The following C4orf17 variants were observed in gnomAD, a reference collection of about 807,000 sequenced individuals.
The protein encoded by C4orf17 is chromosome 4 open reading frame 17.
In C4orf17, 25 loss-of-function variants were observed where a neutral mutation model predicts 32.0. That is an observed-to-expected ratio of 0.78 (90% CI 0.57 to 1.09). The LOEUF (loss-of-function observed/expected upper bound fraction) is 1.09, where lower values mean the gene tolerates loss of function less well. C4orf17 is among the 50% of genes least tolerant of loss of function. The pLI is 0.00. For synonymous variants in C4orf17, 149 were observed against 145.8 expected (o/e 1.02, Z -0.16); for missense variants, 420 against 420.0 (o/e 1.00, Z 0.00).
chr4:99,513,353 G>A, intron 2 of C4orf17, 145 bp downstream of exon 2: 1 of 1,007,124 alleles, frequency 9.9e-7, no homozygotes, highest in Non-Finnish European at 1.5e-6. Context: ...CTAGATGCCA[G>A]CACTGTAGTG....
chr4:99,527,424 CTGT>C (rs1723408071), intron 4 of C4orf17, among the ~76,000 whole-genome samples: 1 of 152,160 alleles, frequency 6.6e-6, no homozygotes, highest in Non-Finnish European at 1.5e-5. Flanking sequence ...TTAGGTGATA[CTGT>C]TGTTCAAGTC....
At chr4:99,540,122 A>G (rs1723631061) in intron 7 of C4orf17, among the ~76,000 whole-genome samples, 1 of 152,142 alleles carries the variant, frequency 6.6e-6, no homozygotes, top group Admixed American at 6.5e-5. Context: ...AAATTGTATT[A>G]CTAACTGTCC....
chr4:99,530,921 A>G (rs1723467864), intron 5 of C4orf17, among the ~76,000 whole-genome samples: 1 of 152,114 alleles, frequency 6.6e-6, no homozygotes, highest in Non-Finnish European at 1.5e-5. Flanking sequence ...TTCACCTGCT[A>G]CACTCTGGCC....
chr4:99,533,496 A>C (rs558808285), intron 5 of C4orf17, among the ~76,000 whole-genome samples: 21 of 152,328 alleles, frequency 1.4e-4, no homozygotes, highest in African/African-American at 4.8e-4. Context: ...CACATGCCTA[A>C]TCATGGCACA....
chr4:99,514,230 G>A (rs555515319), intron 2 of C4orf17, among the ~76,000 whole-genome samples: 180 of 152,094 alleles, frequency 1.2e-3, no homozygotes, highest in African/African-American at 3.9e-3. Flanking sequence ...AAAAGCAAAT[G>A]CAACAAAAAC....
In C4orf17 at chr4:99,530,384, TTCTC is replaced by T. The variant is rs376118936; in HGVS notation, c.546+428_546+431del. On this transcript the variant is annotated intron_variant, in intron 5 of 8. Coordinates refer to ENST00000326581, the MANE Select transcript of C4orf17 (RefSeq NM_032149.3). ...CCTTGCAAAACTATGTCTTCAAACT[TTCTC>T]TGTCTGGGGTTATAAACTTAGTTAT... Among the ~76,000 whole-genome samples the T allele has an allele frequency of 2.9e-3, 441 of 152,256 alleles. 1 individual carries two copies. The highest frequency in any genetic ancestry group is 4.9e-3 in the Non-Finnish European group (331 of 67,972).
intron 1 of C4orf17, 114 bp from the exon 2 acceptor site, chr4:99,512,875 A>G (rs1723117129): frequency 1.1e-5 from 6 of 539,720 alleles, no homozygotes; most frequent in Non-Finnish European, 1.9e-5. Flanking sequence ...ATAGCCTCAC[A>G]TTGCTGTAAC....
chr4:99,537,711 G>T lies in C4orf17; in HGVS notation c.589G>T (p.Ala197Ser). Residue 197 changes from alanine (A) to serine (S), a missense_variant, in exon 6 of 9, where the codon GCA (alanine) becomes TCA (serine). Ala to Ser is a moderately conservative substitution (Grantham distance 99). Coordinates refer to ENST00000326581, the MANE Select transcript of C4orf17 (RefSeq NM_032149.3). Reference sequence around the variant, plus strand: ...TAGCATTTTGCATACTGATTCTCTGGCAGAAGTTTTACAGTGGCTGCTTCA... The same window carrying T: ...TAGCATTTTGCATACTGATTCTCTGTCAGAAGTTTTACAGTGGCTGCTTCA... ...LCSILHTDSL[A>S]EVLQWLLHAT... The T allele has an allele frequency of 1.2e-6, 2 of 1,612,790 alleles. No homozygotes were observed.
chr4:99,527,153 C>T (rs367872712), intron 4 of C4orf17, among the ~76,000 whole-genome samples: 115 of 152,006 alleles, frequency 7.6e-4, no homozygotes, highest in African/African-American at 2.3e-3. Flanking sequence ...CTTCTTTCAC[C>T]CATGGGTTAC....
At chr4:99,530,776 ATAAT>A (rs766188484) in intron 5 of C4orf17, among the ~76,000 whole-genome samples, 129 of 152,166 alleles carry the variant, frequency 8.5e-4, no homozygotes, top group Non-Finnish European at 1.5e-3. Flanking sequence ...ATTTATGCTG[ATAAT>A]TAAACTTGAG....
In C4orf17 at chr4:99,524,504, C is replaced by T; in HGVS notation, c.338-17C>T. 6.7e-7 allele frequency: 1 copy of T among 1,501,880 alleles called. No individual in the cohort carries two copies. Among genetic ancestry groups the T allele is most frequent in the South Asian group, 1.2e-5 (1 of 86,150 alleles). 93.0% of individuals were successfully genotyped at this position (1,501,880 alleles called of 1,614,324 possible). A position where few individuals can be genotyped will look rare whatever the true frequency, so the allele number is the denominator to read the frequency against. The stretch of plus-strand genomic sequence containing the variant: ...TTCAGTTTAATCTAAATACATTTTT[C>T]CTCAATTTTATTTCAGAGCCCAGTA... On this transcript the variant is annotated splice_polypyrimidine_tract_variant and intron_variant, in intron 3 of 8. Coordinates refer to ENST00000326581, the MANE Select transcript of C4orf17 (RefSeq NM_032149.3).
chr4:99,523,930 T>A (rs1399848508), intron 3 of C4orf17, among the ~76,000 whole-genome samples: 1 of 151,598 alleles, frequency 6.6e-6, no homozygotes, highest in East Asian at 1.9e-4. Context: ...GTGACATTTA[T>A]ATGGACAGAA....
At chr4:99,520,923 T>C (rs2110167639) in intron 2 of C4orf17, among the ~76,000 whole-genome samples, 1 of 152,330 alleles carries the variant, frequency 6.6e-6, no homozygotes, top group African/African-American at 2.4e-5. Flanking sequence ...AGCCATTTCT[T>C]TACTGTTTAC....
chr4:99,538,467 A>G (rs1388990577), intron 6 of C4orf17, among the ~76,000 whole-genome samples: 1 of 152,194 alleles, frequency 6.6e-6, no homozygotes, highest in Admixed American at 6.5e-5. Flanking sequence ...AGCAAGTACC[A>G]ATGTGTGAGG....
chr4:99,511,447 T>A lies in C4orf17; in HGVS notation c.-94+175T>A, dbSNP rs191656542. ...ACTTTTTTTTTTTCAAAATTTAAAG[T>A]GTATCACTACCCTTTAATCTAAGAG... On this transcript the variant is annotated intron_variant, in intron 1 of 8. Coordinates refer to ENST00000326581, the MANE Select transcript of C4orf17 (RefSeq NM_032149.3). Among the ~76,000 whole-genome samples, 13 of 151,960 alleles carry A rather than the reference T, an allele frequency of 8.6e-5. No individual in the cohort carries two copies. The East Asian group carries it at 1.9e-3, about 23-fold the overall frequency.
In C4orf17 at chr4:99,539,252, G is replaced by T. The variant is rs1309817715; in HGVS notation, c.718G>T (p.Ala240Ser). ...HHRRNTSMEP[A>S]AETGKPPTVK... is the part of the protein sequence containing the mutation. ...CAGAAGAAACACCTCAATGGAACCA[G>T]CAGCAGAGACTGGGAAGCCACCCAC... is the stretch of plus-strand genomic sequence containing the variant. The change falls in exon 7 of 9, where the codon GCA (alanine) becomes TCA (serine). Residue 240 changes from alanine (A) to serine (S), a missense_variant. Physicochemically the swap from Ala to Ser is moderately conservative, Grantham distance 99. Transcript: ENST00000326581. 1 of 1,614,084 alleles carries T rather than the reference G, an allele frequency of 6.2e-7. No homozygotes were observed.
chr4:99,518,604 G>C (rs1178581099), intron 2 of C4orf17, among the ~76,000 whole-genome samples: 1 of 143,318 alleles, frequency 7.0e-6, no homozygotes, highest in Non-Finnish European at 1.5e-5. Context: ...CAGAGAGAGA[G>C]AGAGACTGTT....
intron 8 of C4orf17, 53 bp from the exon 9 acceptor site, chr4:99,541,857 G>A (rs1484429706): frequency 2.4e-6 from 3 of 1,241,086 alleles, no homozygotes; most frequent in Non-Finnish European, 3.5e-6. Context: ...CATGGAGAAG[G>A]TGTATTCAGT....
chr4:99,536,283 C>T lies in C4orf17; in HGVS notation c.547-1386C>T, dbSNP rs77856042. 3.6e-3 allele frequency: 618 copies of T among 171,388 alleles called. 3 individuals carry two copies. Among genetic ancestry groups the T allele is most frequent in the Non-Finnish European group, 5.7e-3 (459 of 80,608 alleles). The allele number at this position is 171,388 out of a possible 1,614,324, so 10.6% of individuals were successfully genotyped here. A position where few individuals can be genotyped will look rare whatever the true frequency, so the allele number is the denominator to read the frequency against. On this transcript the variant is annotated intron_variant, in intron 5 of 8. Transcript: ENST00000326581. ...TGCTGCATTGTGGGGAACTCTTCCA[C>T]GTCCAGACCTGGACTCTCCAGTGCT...
Sources: allele counts gnomAD v4.1 joint callset (sites outside exome capture counted in the v4.1 genomes callset), GRCh38; gene constraint gnomAD v4.1.1; transcripts MANE v1.5; gene names NCBI Gene and HGNC (gene_info 2026-07-23, HGNC 2026-07-21).